The following MASP1 variants were observed in gnomAD, a reference collection of about 807,000 sequenced individuals.
The protein encoded by MASP1 is mannan-binding lectin serine protease 1.
In MASP1, 59 loss-of-function variants were observed where a neutral mutation model predicts 77.1. That is an observed-to-expected ratio of 0.77 (90% CI 0.62 to 0.95). The LOEUF (loss-of-function observed/expected upper bound fraction) is 0.95, where lower values mean the gene tolerates loss of function less well. Ranked by LOEUF, MASP1 falls within the 40% of genes least tolerant of loss-of-function variation. The probability of loss-of-function intolerance (pLI) is 0.00; values close to 1 mark genes in which losing one functional copy is unlikely to be tolerated. For missense variants in MASP1, 885 were observed against 912.9 expected, an observed-to-expected ratio of 0.97 and a Z score of 0.39; for synonymous variants, 362 against 354.5, an observed-to-expected ratio of 1.02 and a Z score of -0.24.
intron 2 of MASP1, among the ~76,000 whole-genome samples, chr3:187,266,712 G>A (rs986647671): frequency 5.9e-5 from 9 of 152,190 alleles, no homozygotes; most frequent in Non-Finnish European, 1.2e-4. Flanking sequence ...AGAGAGCTGG[G>A]AAGGCACATC....
At chr3:187,258,616 C>T (rs1249092206) in intron 4 of MASP1, among the ~76,000 whole-genome samples, 3 of 152,156 alleles carry the variant, frequency 2.0e-5, no homozygotes, top group African/African-American at 7.2e-5. Context: ...ATGAGGACGG[C>T]CACCTGCTGT....
chr3:187,277,798 GAA>G (rs1193488301), intron 2 of MASP1, among the ~76,000 whole-genome samples: 1 of 152,184 alleles, frequency 6.6e-6, no homozygotes, highest in East Asian at 1.9e-4. Context: ...TAATAGATTA[GAA>G]ACTGCTGTAA....
chr3:187,220,928 C>T lies in MASP1; in HGVS notation c.1909+107G>A, dbSNP rs151279132. On this transcript the variant is annotated intron_variant, in intron 15 of 15. Transcript: ENST00000337774. ...CGGCCTTCCTCCAGTCCCCCGCGCC[C>T]CCACACTGCCAGCCCACCAGGTTGG... 1,282 of 870,548 alleles carry T rather than the reference C, an allele frequency of 1.5e-3. 5 individuals are homozygous for T. In the African/African-American group the frequency reaches 0.019, roughly 13 times the overall value. The allele number at this position is 870,548 out of a possible 1,614,324, so 53.9% of individuals were successfully genotyped here.
In MASP1 at chr3:187,234,880, G is replaced by T. The variant is rs958509359; in HGVS notation, c.*804C>A. On this transcript the variant is annotated 3_prime_UTR_variant, in exon 11 of 11. Coordinates refer to ENST00000296280, the MANE Select transcript of MASP1 (RefSeq NM_139125.4). The stretch of plus-strand genomic sequence containing the variant: ...TTTGTGCTTGTCTGGAGCAGCAGGT[G>T]TGGACGCCCATGGTGTCAGCTGGTG... 7.8e-7 allele frequency: 1 copy of T among 1,287,232 alleles called. No individual in the cohort carries two copies. Among genetic ancestry groups the T allele is most frequent in the Non-Finnish European group, 1.0e-6 (1 of 988,682 alleles). 79.7% of individuals were successfully genotyped at this position (1,287,232 alleles called of 1,614,324 possible).
Position 187,291,726 on chromosome 3 carries a change from T to C in MASP1, c.-94A>G, listed in dbSNP as rs1718353330. The C allele has an allele frequency of 6.7e-7, 1 of 1,485,780 alleles. No individual in the cohort carries two copies. The highest frequency in any genetic ancestry group is 9.4e-7 in the Non-Finnish European group (1 of 1,063,162). The allele number at this position is 1,485,780 out of a possible 1,614,324, so 92.0% of individuals were successfully genotyped here. A position where few individuals can be genotyped will look rare whatever the true frequency, so the allele number is the denominator to read the frequency against. ...GCCCGGTGTGGTGTCCGTGATGCCT[T>C]ATCTTTGTTCTGAGGTCCCTGTGTG... On this transcript the variant is annotated 5_prime_UTR_variant, in exon 1 of 11. In the 5' UTR this introduces an upstream ATG that the reference lacks. Coordinates refer to ENST00000296280, the MANE Select transcript of MASP1 (RefSeq NM_139125.4).
Position 187,243,475 on chromosome 3 carries a change from A to G in MASP1, c.1228+9T>C. On this transcript the variant is annotated intron_variant, in intron 9 of 10. Transcript: ENST00000296280. ...ACGGGAGTGGGATGGCTTAGCATGG[A>G]TGGCTTACCTGTGTTATTGTTGAGC... 6.2e-7 allele frequency: 1 copy of G among 1,614,066 alleles called. No homozygotes were observed. Among genetic ancestry groups the G allele is most frequent in the Non-Finnish European group, 8.5e-7 (1 of 1,179,988 alleles).
intron 8 of MASP1, among the ~76,000 whole-genome samples, chr3:187,248,233 G>A (rs1714266814): frequency 6.6e-6 from 1 of 152,184 alleles, no homozygotes; most frequent in Non-Finnish European, 1.5e-5. Flanking sequence ...GCTAATGTAA[G>A]TCAGGGAAAA....
At chr3:187,223,199 A>C in intron 13 of MASP1, 1 of 1,613,698 alleles carries the variant, frequency 6.2e-7, no homozygotes, top group Non-Finnish European at 8.5e-7. Flanking sequence ...TGGCTCCTGG[A>C]GGAGAGAAGA....
chr3:187,253,625 T>C (rs1714819559), intron 5 of MASP1, among the ~76,000 whole-genome samples: 1 of 152,192 alleles, frequency 6.6e-6, no homozygotes, highest in African/African-American at 2.4e-5. Context: ...GGCATTGATG[T>C]GGCACATATA....
At chr3:187,246,641 C>T (rs1207610410) in intron 8 of MASP1, 1 of 986,976 alleles carries the variant, frequency 1.0e-6, no homozygotes, top group Non-Finnish European at 1.2e-6. Flanking sequence ...TCCCACAGCA[C>T]AGAGCTGGGA....
chr3:187,220,584 A>G (rs189490864), intron 15 of MASP1, among the ~76,000 whole-genome samples: 35 of 138,280 alleles, frequency 2.5e-4, no homozygotes, highest in Admixed American at 6.3e-4. Flanking sequence ...AGCAACCTCT[A>G]CCTCCTGGGT....
At chr3:187,271,663 T>C (rs983160642) in intron 2 of MASP1, among the ~76,000 whole-genome samples, 4 of 152,224 alleles carry the variant, frequency 2.6e-5, no homozygotes, top group African/African-American at 7.2e-5. Context: ...TTTTCTTCTC[T>C]TTTTACATTT....
At chr3:187,219,738 TC>T (rs1711923739) in exon 16 of MASP1, 14 of 385,864 alleles carry the variant, frequency 3.6e-5, no homozygotes, top group South Asian at 3.2e-4. Flanking sequence ...TATTAGTTAA[TC>T]TTTTCCTCAT....
intron 2 of MASP1, among the ~76,000 whole-genome samples, chr3:187,282,510 A>AAAG (rs1553785752): frequency 0.039 from 5,107 of 131,290 alleles, 262 homozygotes; most frequent in Non-Finnish European, 0.054. Context: ...AAAAAAAAAA[A>AAAG]AAGAAGAAGA....
chr3:187,225,354 T>C (rs1392256461), exon 13 of MASP1: 5 of 1,613,622 alleles, frequency 3.1e-6, no homozygotes, highest in African/African-American at 1.3e-5. Flanking sequence ...GGCAGACAGA[T>C]GGGCATCACG....
intron 11 of MASP1, among the ~76,000 whole-genome samples, chr3:187,229,021 G>A (rs922160393): frequency 9.9e-5 from 15 of 152,282 alleles, no homozygotes; most frequent in East Asian, 3.9e-4. Flanking sequence ...GGGCCAAGCC[G>A]GGCCTTCTTC....
At position 187,220,296 on chromosome 3, in the gene MASP1, G is replaced by A. The variant is rs900994696; in HGVS notation, c.1910-35C>T. The stretch of plus-strand genomic sequence containing the variant: ...AAAGAGACATAGATGAAGATAAAAT[G>A]CCCCTTCCCAGCCCAAGTCTCCTTC... On this transcript the variant is annotated intron_variant, in intron 15 of 15. Transcript: ENST00000337774. 3.8e-6 allele frequency: 6 copies of A among 1,594,770 alleles called. No individual in the cohort carries two copies. In the African/African-American group the frequency reaches 6.7e-5, roughly 18 times the overall value.
chr3:187,240,723 CT>C (rs1232118372), intron 10 of MASP1, among the ~76,000 whole-genome samples: 2 of 152,188 alleles, frequency 1.3e-5, no homozygotes, highest in African/African-American at 4.8e-5. Context: ...CCTCTGCCCC[CT>C]GGGTTCAAGC....
At position 187,268,065 on chromosome 3, in the gene MASP1, T is replaced by C. The variant is rs529851362; in HGVS notation, c.238-5345A>G. On this transcript the variant is annotated intron_variant, in intron 2 of 10. Coordinates refer to ENST00000296280, the MANE Select transcript of MASP1 (RefSeq NM_139125.4). Reference sequence around the variant, plus strand: ...ATGTGGCTTCAGTTTTAGGATTGGCTAGCAAGTAAATTCTAGAAAAACAGT... The same window carrying C: ...ATGTGGCTTCAGTTTTAGGATTGGCCAGCAAGTAAATTCTAGAAAAACAGT... Among the ~76,000 whole-genome samples the C allele has an allele frequency of 2.6e-5, 4 of 152,316 alleles. No individual in the cohort carries two copies. In the South Asian group the frequency reaches 6.2e-4, roughly 24 times the overall value.
Sources: allele counts gnomAD v4.1 joint callset (sites outside exome capture counted in the v4.1 genomes callset), GRCh38; gene constraint gnomAD v4.1.1; transcripts MANE v1.5; gene names NCBI Gene and HGNC (gene_info 2026-07-23, HGNC 2026-07-21).